CERS5: variants seen among roughly 807,000 people sequenced by gnomAD.
CERS5 encodes the protein ceramide synthase 5.
CERS5 carries 37 observed loss-of-function variants against 58.9 expected under a neutral mutation model. The observed-to-expected ratio is 0.63, with a 90% CI of 0.48 to 0.83. The LOEUF (loss-of-function observed/expected upper bound fraction) is 0.83, where lower values mean the gene tolerates loss of function less well. Ranked by LOEUF, CERS5 falls within the 40% of genes least tolerant of loss-of-function variation. The pLI, the probability that CERS5 is intolerant of heterozygous loss-of-function variation, is 0.00. For synonymous variants in CERS5, 147 were observed against 177.8 expected, an observed-to-expected ratio of 0.83 and a Z score of 1.38; for missense variants, 398 against 489.3, an observed-to-expected ratio of 0.81 and a Z score of 1.76.
Position 50,143,117 on chromosome 12 carries a change from TC to T in CERS5, c.390del (p.Asn131IlefsTer85). 6.2e-7 allele frequency: 1 copy of T among 1,613,884 alleles called. No individual in the cohort carries two copies. The highest frequency in any genetic ancestry group is 8.5e-7 in the Non-Finnish European group (1 of 1,179,894). On this transcript the variant is annotated frameshift_variant, in exon 3 of 10. Coordinates refer to ENST00000317551, the MANE Select transcript of CERS5 (RefSeq NM_147190.5). LOFTEE classifies it high-confidence loss of function. Reference sequence around the variant, plus strand: ...GTAAGCGTTGGGGGCTTGTCCTGATTCCTCCGATGGCGAAACCAGCATTGGA... The same window carrying T: ...GTAAGCGTTGGGGGCTTGTCCTGATTCTCCGATGGCGAAACCAGCATTGGA... Reference protein sequence around the residue: ...RKIQCWFRHRRNQDKPPTLTK... With the variant: ...RKIQCWFRHRXNQDKPPTLTK...
intron 8 of CERS5, chr12:50,135,498 ACT>A (rs1166899283): frequency 5.8e-6 from 4 of 689,948 alleles, no homozygotes; most frequent in Non-Finnish European, 1.1e-5. Context: ...CAAGCCGGGT[ACT>A]CTGAGTCTGG....
chr12:50,158,647 T>C lies in CERS5; in HGVS notation c.197+8454A>G, dbSNP rs189725171. Among the ~76,000 whole-genome samples, 20 of 152,226 alleles carry C rather than the reference T, an allele frequency of 1.3e-4. No individual in the cohort carries two copies. The East Asian group carries it at 3.3e-3, about 25-fold the overall frequency. On this transcript the variant is annotated intron_variant, in intron 1 of 9. Transcript: ENST00000317551. ...CTACCAGTTTGGTGTTTATCAAGTG[T>C]AGGAGATGACTGATTTCTGGGGAAT...
chr12:50,155,156 T>C (rs1205923133), intron 1 of CERS5, among the ~76,000 whole-genome samples: 5 of 151,922 alleles, frequency 3.3e-5, no homozygotes, highest in African/African-American at 7.3e-5. Context: ...TCGTGCCCGG[T>C]CAGCATTTCT....
At chr12:50,131,683 A>G (rs1951335376) in intron 9 of CERS5, among the ~76,000 whole-genome samples, 1 of 152,076 alleles carries the variant, frequency 6.6e-6, no homozygotes. Context: ...TCATGCTACC[A>G]TCTGTGAATG....
intron 1 of CERS5, among the ~76,000 whole-genome samples, chr12:50,161,531 C>G (rs1939260682): frequency 6.6e-6 from 1 of 152,050 alleles, no homozygotes; most frequent in South Asian, 2.1e-4. Flanking sequence ...AATCCTAGCA[C>G]TTTGGGAGGC....
intron 9 of CERS5, chr12:50,133,690 CTT>C: frequency 1.0e-6 from 1 of 985,528 alleles, no homozygotes; most frequent in Non-Finnish European, 1.2e-6. Flanking sequence ...TTAAAAAACT[CTT>C]AACCCTATCA....
chr12:50,130,499 G>T lies in CERS5; in HGVS notation c.*46C>A. On this transcript the variant is annotated 3_prime_UTR_variant, in exon 10 of 10. Coordinates refer to ENST00000317551, the MANE Select transcript of CERS5 (RefSeq NM_147190.5). ...AAGGGCCAAGAGGAGTATGTTGCCA[G>T]TGGCCCTACAAGTCCATGTGTGCTG... 1 of 1,490,864 alleles carries T rather than the reference G, an allele frequency of 6.7e-7. No homozygotes were observed. The highest frequency in any genetic ancestry group is 9.1e-7 in the Non-Finnish European group (1 of 1,100,488). The allele number at this position is 1,490,864 out of a possible 1,614,324, so 92.4% of individuals were successfully genotyped here. A position where few individuals can be genotyped will look rare whatever the true frequency, so the allele number is the denominator to read the frequency against.
chr12:50,144,335 G>A, intron 1 of CERS5: 1 of 334,820 alleles, frequency 3.0e-6, no homozygotes, highest in Non-Finnish European at 5.5e-6. Flanking sequence ...GCATAATCTT[G>A]AGCCCATCTC....
intron 1 of CERS5, among the ~76,000 whole-genome samples, chr12:50,157,334 C>A (rs1241770960): frequency 6.6e-6 from 1 of 150,928 alleles, no homozygotes; most frequent in Non-Finnish European, 1.5e-5. Context: ...CTGACTGATA[C>A]AGTAATATAG....
intron 8 of CERS5, chr12:50,135,487 C>T (rs1209610536): frequency 1.5e-6 from 1 of 684,504 alleles, no homozygotes; most frequent in East Asian, 2.8e-5. Flanking sequence ...GAGAAGCCAA[C>T]CAAGCCGGGT....
At position 50,137,797 on chromosome 12, in the gene CERS5, G is replaced by A. The variant is rs1951765973; in HGVS notation, c.567C>T (p.His189=). 1.2e-6 allele frequency: 2 copies of A among 1,606,958 alleles called. No individual in the cohort carries two copies. Among genetic ancestry groups the A allele is most frequent in the African/African-American group, 1.3e-5 (1 of 74,832 alleles). ...AGAAGGCCAATTCCATGATATAATA[G>A]TGATAAAGCCCACTTGAAAGAGGCT... ...PFQPLSSGLY[H]YYIMELAFYW... The change falls in exon 6 of 10, where the codon CAC becomes CAT. Residue 189 remains histidine, a synonymous_variant. Transcript: ENST00000317551.
intron 4 of CERS5, among the ~76,000 whole-genome samples, chr12:50,141,154 G>A (rs762567304): frequency 5.3e-5 from 8 of 152,074 alleles, no homozygotes; most frequent in Non-Finnish European, 1.0e-4. Flanking sequence ...GGGCTCAAGC[G>A]ATTCTCCTAC....
intron 1 of CERS5, chr12:50,154,235 C>A (rs1436772818): frequency 5.6e-6 from 2 of 354,934 alleles, no homozygotes; most frequent in South Asian, 4.1e-5. Context: ...TGCCTGTAAT[C>A]CTAGCTACTC....
At chr12:50,162,096 G>A (rs577657867) in intron 1 of CERS5, among the ~76,000 whole-genome samples, 59 of 150,824 alleles carry the variant, frequency 3.9e-4, no homozygotes, top group Non-Finnish European at 7.7e-4. Context: ...GGCCGGTCTC[G>A]AACTCCTGAC....
At chr12:50,147,880 T>C (rs1952381342) in intron 1 of CERS5, among the ~76,000 whole-genome samples, 1 of 152,080 alleles carries the variant, frequency 6.6e-6, no homozygotes, top group African/African-American at 2.4e-5. Flanking sequence ...TAAGCTCAAG[T>C]GATCCTCCCA....
chr12:50,150,912 A>G (rs2138174451), intron 1 of CERS5, among the ~76,000 whole-genome samples: 1 of 152,302 alleles, frequency 6.6e-6, no homozygotes, highest in Admixed American at 6.5e-5. Context: ...GAATGTCCTC[A>G]ACTTTGGCAT....
Position 50,138,550 on chromosome 12 carries a change from A to G in CERS5, c.543+17T>C, listed in dbSNP as rs1237881709. 1.3e-6 allele frequency: 2 copies of G among 1,596,462 alleles called. No homozygotes were observed. The highest frequency in any genetic ancestry group is 2.3e-5 in the East Asian group (1 of 43,750). On this transcript the variant is annotated intron_variant, in intron 5 of 9. Coordinates refer to ENST00000317551, the MANE Select transcript of CERS5 (RefSeq NM_147190.5). ...TACACATTCAAGACCCCTATCCTGA[A>G]ACGACTCAGATCCTACCTGAAATGG...
chr12:50,155,527 G>A (rs916783789), intron 1 of CERS5, among the ~76,000 whole-genome samples: 61 of 151,002 alleles, frequency 4.0e-4, no homozygotes, highest in African/African-American at 1.4e-3. Flanking sequence ...ACGAGGTCAA[G>A]AGATCGAGAC....
intron 1 of CERS5, 25 bp from the exon 2 acceptor site, chr12:50,144,082 C>A: frequency 7.2e-7 from 1 of 1,387,432 alleles, no homozygotes. Flanking sequence ...ACCCACGGGC[C>A]AATTCTTTTT....
Sources: gnomAD v4.1 joint callset for allele counts (sites outside exome capture counted in the v4.1 genomes callset) on GRCh38, gnomAD v4.1.1 for gene constraint, MANE v1.5 for transcripts, NCBI Gene and HGNC (gene_info 2026-07-23, HGNC 2026-07-21) for gene names.